SPATA9: variants seen among roughly 807,000 people sequenced by gnomAD.
The protein encoded by SPATA9 is spermatogenesis associated 9.
Under a neutral mutation model 25.5 loss-of-function variants are expected in SPATA9, and 27 were observed. The observed-to-expected ratio is 1.06, with a 90% CI of 0.78 to 1.46. SPATA9 has a LOEUF of 1.46. Ranked by LOEUF, SPATA9 falls within the 40% of genes most tolerant of loss-of-function variation. SPATA9 has a pLI of 0.00. For missense variants in SPATA9, 282 were observed against 297.5 expected, an observed-to-expected ratio of 0.95 and a Z score of 0.38; for synonymous variants, 102 against 105.7, an observed-to-expected ratio of 0.97 and a Z score of 0.21.
chr5:95,670,937 G>A (rs546840813), intron 3 of SPATA9: 2 of 979,310 alleles, frequency 2.0e-6, no homozygotes, highest in Admixed American at 6.2e-5. Context: ...TCCCTCACTG[G>A]CAATTCTGAT....
At chr5:95,679,642 C>G (rs1471149784) in intron 2 of SPATA9, among the ~76,000 whole-genome samples, 1 of 152,144 alleles carries the variant, frequency 6.6e-6, no homozygotes, top group Non-Finnish European at 1.5e-5. Context: ...TCCCCTGACA[C>G]TAAGGCCAAC....
At chr5:95,705,157 A>G in the SPATA9 span, among the ~76,000 whole-genome samples, 1 of 152,018 alleles carries the variant, frequency 6.6e-6, no homozygotes, top group Non-Finnish European at 1.5e-5. Context: ...TTGTAGAGAT[A>G]GAGTTTTGCT....
At chr5:95,689,041 CAT>C (rs1314907069) in intron 1 of SPATA9, among the ~76,000 whole-genome samples, 3 of 152,116 alleles carry the variant, frequency 2.0e-5, no homozygotes, top group South Asian at 4.2e-4. Context: ...CATAGACACA[CAT>C]GTTTTATCAA....
the SPATA9 span, among the ~76,000 whole-genome samples, chr5:95,715,069 T>C: frequency 3.3e-5 from 5 of 152,174 alleles, no homozygotes; most frequent in Admixed American, 1.3e-4. Flanking sequence ...CTAATACCTG[T>C]AATCCCAGCA....
Position 95,658,612 on chromosome 5 carries a change from G to A in SPATA9, c.*11C>T, listed in dbSNP as rs1361811069. On this transcript the variant is annotated 3_prime_UTR_variant, in exon 5 of 5. Coordinates refer to ENST00000274432, the MANE Select transcript of SPATA9 (RefSeq NM_031952.4). ...AGATAACTCTTAAGTTCTGTTCAGTGATACCTGTATTCAGATTTGCTCATT... is the reference window on the plus strand; with the variant it reads ...AGATAACTCTTAAGTTCTGTTCAGTAATACCTGTATTCAGATTTGCTCATT... 1 of 1,607,762 alleles carries A rather than the reference G, an allele frequency of 6.2e-7. No individual in the cohort carries two copies. Among genetic ancestry groups the A allele is most frequent in the East Asian group, 2.2e-5 (1 of 44,808 alleles).
chr5:95,706,885 G>C, the SPATA9 span, among the ~76,000 whole-genome samples: 1 of 151,818 alleles, frequency 6.6e-6, no homozygotes, highest in South Asian at 2.1e-4. Flanking sequence ...ATTAATATTT[G>C]TTTAATATTT....
intron 1 of SPATA9, among the ~76,000 whole-genome samples, chr5:95,696,373 A>AT (rs1754021913): frequency 1.3e-5 from 2 of 152,160 alleles, no homozygotes; most frequent in South Asian, 4.1e-4. Context: ...TACTGTTTGC[A>AT]TTTTTGCAAA....
chr5:95,675,461 C>G lies in SPATA9; in HGVS notation c.329G>C (p.Arg110Pro). 1 of 1,614,150 alleles carries G rather than the reference C, an allele frequency of 6.2e-7. No individual in the cohort carries two copies. Among genetic ancestry groups the G allele is most frequent in the African/African-American group, 1.3e-5 (1 of 75,026 alleles). ...CGGCGCATTAACTTCCCTCAGCAGA[C>G]GACCAGATATGTCCCTTAGCTCTAA... ...RLLELRDISGRLLREVNAPRQ... is the reference protein window; with the variant it reads ...RLLELRDISGPLLREVNAPRQ... Residue 110 changes from arginine to proline, a missense_variant, in exon 3 of 5, where the codon CGT (arginine) becomes CCT (proline). Transcript: ENST00000274432.
the SPATA9 span, among the ~76,000 whole-genome samples, chr5:95,712,554 G>A: frequency 2.6e-5 from 4 of 152,174 alleles, no homozygotes; most frequent in Non-Finnish European, 5.9e-5. Flanking sequence ...GTGTGTGTAG[G>A]GCATCTGGTT....
At chr5:95,711,226 C>T in the SPATA9 span, among the ~76,000 whole-genome samples, 3 of 152,152 alleles carry the variant, frequency 2.0e-5, no homozygotes, top group Non-Finnish European at 4.4e-5. Flanking sequence ...AAGACCTTCT[C>T]AAGGAGGTCT....
At chr5:95,721,827 G>A in the SPATA9 span, among the ~76,000 whole-genome samples, 8 of 152,186 alleles carry the variant, frequency 5.3e-5, no homozygotes, top group Admixed American at 4.6e-4. Context: ...ATTGTTAAAT[G>A]TTTCAGCTAG....
chr5:95,705,497 TCAACTTTTTCAGTTTTATG>T, the SPATA9 span, among the ~76,000 whole-genome samples: 36 of 152,346 alleles, frequency 2.4e-4, no homozygotes, highest in African/African-American at 8.4e-4. Flanking sequence ...TCTCTGATTT[TCAACTTTTTCAGTTTTATG>T]TACAGAACTA....
At chr5:95,700,104 A>C (rs903340472), upstream of SPATA9, among the ~76,000 whole-genome samples, 26 of 152,146 alleles carry the variant, frequency 1.7e-4, no homozygotes, top group African/African-American at 5.3e-4. Flanking sequence ...GAATGATCAA[A>C]GGGGTGAAAG....
the SPATA9 span, chr5:95,731,469 TC>T: frequency 1.6e-6 from 2 of 1,220,848 alleles, no homozygotes; most frequent in Non-Finnish European, 2.0e-6. Context: ...CGGCAGCTTA[TC>T]CCCCGCCCGC....
At chr5:95,693,410 T>C (rs1255604393) in intron 1 of SPATA9, among the ~76,000 whole-genome samples, 1 of 152,250 alleles carries the variant, frequency 6.6e-6, no homozygotes, top group Non-Finnish European at 1.5e-5. Flanking sequence ...GAATTATAAT[T>C]ATATGCAACA....
intron 1 of SPATA9, among the ~76,000 whole-genome samples, chr5:95,694,881 T>C (rs559958603): frequency 8.3e-4 from 127 of 152,328 alleles, no homozygotes; most frequent in African/African-American, 2.9e-3. Flanking sequence ...ACTCTAGATT[T>C]AGTCCAGCGA....
At chr5:95,721,453 C>G in the SPATA9 span, among the ~76,000 whole-genome samples, 60 of 152,180 alleles carry the variant, frequency 3.9e-4, no homozygotes, top group African/African-American at 1.4e-3. Flanking sequence ...ACAGAATGGG[C>G]CTTGTCGGAG....
At chr5:95,704,635 A>AAAATAAAT in the SPATA9 span, among the ~76,000 whole-genome samples, 3 of 152,134 alleles carry the variant, frequency 2.0e-5, no homozygotes, top group Non-Finnish European at 4.4e-5. Flanking sequence ...TATTGCCTTA[A>AAAATAAAT]AAATAAATAA....
At chr5:95,653,152 A>G (rs1329727510) in exon 9 of SPATA9, 2 of 1,551,684 alleles carry the variant, frequency 1.3e-6, no homozygotes, top group Non-Finnish European at 8.7e-7. Flanking sequence ...TGGCATGTCT[A>G]GTTCATTTGC....
Sources: allele counts gnomAD v4.1 joint callset (sites outside exome capture counted in the v4.1 genomes callset), GRCh38; gene constraint gnomAD v4.1.1; transcripts MANE v1.5; gene names NCBI Gene and HGNC (gene_info 2026-07-23, HGNC 2026-07-21).